Variants in FURIN observed in about 807,000 individuals in gnomAD.
FURIN encodes furin, paired basic amino acid cleaving enzyme.
A neutral mutation model predicts 89.2 loss-of-function variants in FURIN; 18 were observed. The observed-to-expected ratio is 0.20, with a 90% CI of 0.14 to 0.30. FURIN has a LOEUF of 0.30. FURIN is among the 10% of genes least tolerant of loss of function. The probability of loss-of-function intolerance (pLI) is 1.00; values close to 1 mark genes in which losing one functional copy is unlikely to be tolerated. For missense variants in FURIN, 879 were observed against 1,100.5 expected (o/e 0.80, Z 2.85); for synonymous variants, 508 against 466.4 (o/e 1.09, Z -1.15).
chr15:90,876,972 C>G lies in FURIN; in HGVS notation c.449C>G (p.Ser150Cys). The G allele has an allele frequency of 1.2e-6, 2 of 1,614,148 alleles. No homozygotes were observed. Among genetic ancestry groups the G allele is most frequent in the Non-Finnish European group, 1.7e-6 (2 of 1,180,024 alleles). ...TACACAGGGCACGGCATTGTGGTCTCCATTCTGGACGATGGCATCGAGAAG... is the reference window on the plus strand; with the variant it reads ...TACACAGGGCACGGCATTGTGGTCTGCATTCTGGACGATGGCATCGAGAAG... ...QGYTGHGIVV[S>C]ILDDGIEKNH... Residue 150 changes from serine (S) to cysteine (C), a missense_variant, in exon 5 of 16, where the codon TCC (serine) becomes TGC (cysteine). By Grantham distance (112) the Ser-to-Cys change is moderately radical. This residue lies in a region of FURIN where 139 missense variants were observed against 215.0 expected (regional missense o/e 0.65). Transcript: ENST00000268171. This position sits in a 1 kb window ranked among gnomAD's most constrained non-coding sequence, Gnocchi z 5.0.
chr15:90,877,191 C>T lies in FURIN; in HGVS notation c.558C>T (p.Tyr186=). Residue 186 remains tyrosine (Y), a synonymous_variant, in exon 6 of 16, where the codon TAC becomes TAT. Coordinates refer to ENST00000268171, the MANE Select transcript of FURIN (RefSeq NM_002569.4). ...AGGACCCTGACCCCCAGCCTCGGTA[C>T]ACACAGATGAATGACAACAGGTAAG... is the stretch of plus-strand genomic sequence containing the variant. ...NDQDPDPQPR[Y]TQMNDNRHGT... is the part of the protein sequence containing the mutation. 2 of 1,610,156 alleles carry T rather than the reference C, an allele frequency of 1.2e-6. No homozygotes were observed. The highest frequency in any genetic ancestry group is 1.7e-4 in the Middle Eastern group (1 of 6,034).
Position 90,876,573 on chromosome 15 carries a change from C to G in FURIN, c.372+16C>G. The G allele has an allele frequency of 6.5e-7, 1 of 1,541,404 alleles. No individual in the cohort carries two copies. Among genetic ancestry groups the G allele is most frequent in the Non-Finnish European group, 9.0e-7 (1 of 1,114,182 alleles). ...GTGGTACCTGGTACGTGGCCTTCTT[C>G]GCTGCTGGGACCTCCTCCCCAGATG... On this transcript the variant is annotated intron_variant, in intron 4 of 15. Transcript: ENST00000268171. This position sits in a 1 kb window ranked among gnomAD's most constrained non-coding sequence, Gnocchi z 5.0.
At position 90,876,195 on chromosome 15, in the gene FURIN, C is replaced by T. The variant is rs977337746; in HGVS notation, c.178-60C>T. 1.8e-6 allele frequency: 2 copies of T among 1,136,806 alleles called. No individual in the cohort carries two copies. The highest frequency in any genetic ancestry group is 3.5e-5 in the Admixed American group (2 of 57,016). 70.4% of individuals were successfully genotyped at this position (1,136,806 alleles called of 1,614,324 possible). The stretch of plus-strand genomic sequence containing the variant: ...CATGAAGCCGTTGTCCACCCCCGTC[C>T]CCCGCCTCCCGGGGACTGACAGATG... On this transcript the variant is annotated intron_variant, in intron 2 of 15. Transcript: ENST00000268171. The surrounding 1 kb of genome is among the most constrained non-coding windows in gnomAD (Gnocchi z 5.0).
rs376773167 is a variant in FURIN, at chr15:90,876,814, G to T, written c.373-82G>T. 1.1e-5 allele frequency: 16 copies of T among 1,480,310 alleles called. No individual in the cohort carries two copies. Among genetic ancestry groups the T allele is most frequent in the Middle Eastern group, 1.7e-4 (1 of 5,760 alleles). The allele number at this position is 1,480,310 out of a possible 1,614,324, so 91.7% of individuals were successfully genotyped here. A position where few individuals can be genotyped will look rare whatever the true frequency, so the allele number is the denominator to read the frequency against. ...GGATGGTACAGGAGGAGGTTTTACG[G>T]GGGCAAAGGGATTCTTCAAGATGCT... On this transcript the variant is annotated intron_variant, in intron 4 of 15. Coordinates refer to ENST00000268171, the MANE Select transcript of FURIN (RefSeq NM_002569.4). This position sits in a 1 kb window ranked among gnomAD's most constrained non-coding sequence, Gnocchi z 5.0.
Position 90,881,375 on chromosome 15 carries a change from A to G in FURIN, c.1882A>G (p.Ser628Gly), listed in dbSNP as rs749641930. Residue 628 changes from serine to glycine, a missense_variant, in exon 16 of 16, where the codon AGC (serine) becomes GGC (glycine). By Grantham distance (56) the Ser-to-Gly change is moderately conservative. Coordinates refer to ENST00000268171, the MANE Select transcript of FURIN (RefSeq NM_002569.4). The surrounding 1 kb of genome is among the most constrained non-coding windows in gnomAD (Gnocchi z 4.3). ...CCCCCAAGTCCTCGATACGCACTATAGCACCGAGAATGACGTGGAGACCAT... is the reference window on the plus strand; with the variant it reads ...CCCCCAAGTCCTCGATACGCACTATGGCACCGAGAATGACGTGGAGACCAT... ...FAPQVLDTHY[S>G]TENDVETIRA... 6.2e-7 allele frequency: 1 copy of G among 1,612,896 alleles called. No individual in the cohort carries two copies. The highest frequency in any genetic ancestry group is 8.5e-7 in the Non-Finnish European group (1 of 1,179,880).
chr15:90,871,638 G>C (rs1249624559), intron 1 of FURIN: 4 of 149,390 alleles, frequency 2.7e-5, no homozygotes, highest in Non-Finnish European at 4.5e-5. Flanking sequence ...CCGGGGCCCG[G>C]GGAAGGCAAG....
In FURIN at chr15:90,881,800, G is replaced by A. The variant is rs767175435; in HGVS notation, c.2307G>A (p.Glu769=). The change falls in exon 16 of 16, where the codon GAG becomes GAA. Residue 769 remains glutamate, a synonymous_variant. Transcript: ENST00000268171. This position sits in a 1 kb window ranked among gnomAD's most constrained non-coding sequence, Gnocchi z 4.3. The part of the protein sequence containing the change: ...YKGLPPEAWQ[E]ECPSDSEEDE... ...GGCTGCCCCCTGAAGCCTGGCAGGA[G>A]GAGTGCCCGTCTGACTCAGAAGAGG... is the stretch of plus-strand genomic sequence containing the variant. The A allele has an allele frequency of 8.7e-6, 14 of 1,613,542 alleles. No individual in the cohort carries two copies. The African/African-American group carries it at 1.2e-4, about 14-fold the overall frequency.
chr15:90,871,471 G>GCCTCC (rs1474537863), intron 1 of FURIN: 8 of 6,018 alleles, frequency 1.3e-3, no homozygotes, highest in East Asian at 0.013. Context: ...GCCGCCGCGC[G>GCCTCC]GGGCCGGACG....
In FURIN at chr15:90,879,677, C is replaced by T. The variant is rs368970323; in HGVS notation, c.1161C>T (p.Asn387=). The stretch of plus-strand genomic sequence containing the variant: ...CTCCCTTCCTTCTTTGCAGTAAGAA[C>T]CTCACATGGCGGGACATGCAACACC... ...IIALTLEANK[N]LTWRDMQHLV... Residue 387 remains asparagine, a synonymous_variant, in exon 11 of 16, where the codon AAC becomes AAT. Coordinates refer to ENST00000268171, the MANE Select transcript of FURIN (RefSeq NM_002569.4). 2 of 1,613,008 alleles carry T rather than the reference C, an allele frequency of 1.2e-6. No individual in the cohort carries two copies. The highest frequency in any genetic ancestry group is 1.3e-5 in the African/African-American group (1 of 74,936).
rs1198000825 is a variant in FURIN at position 90,881,270 on chromosome 15, T to C, written c.1793-16T>C. On this transcript the variant is annotated splice_polypyrimidine_tract_variant and intron_variant, in intron 15 of 15. Transcript: ENST00000268171. This position sits in a 1 kb window ranked among gnomAD's most constrained non-coding sequence, Gnocchi z 4.3. Reference sequence around the variant, plus strand: ...GTTTAGCTGACACACACTTGCCCTCTCTCCCACGCCGGCAGTGTGCGAGGA... The same window carrying C: ...GTTTAGCTGACACACACTTGCCCTCCCTCCCACGCCGGCAGTGTGCGAGGA... The C allele has an allele frequency of 1.3e-6, 2 of 1,565,536 alleles. No homozygotes were observed. The highest frequency in any genetic ancestry group is 4.5e-5 in the East Asian group (2 of 44,336).
chr15:90,875,023 G>A (rs1241357935), intron 1 of FURIN, among the ~76,000 whole-genome samples: 3 of 137,900 alleles, frequency 2.2e-5, no homozygotes, highest in African/African-American at 8.2e-5. Flanking sequence ...TGCTTCTTCT[G>A]TTACACTTTT....
chr15:90,882,025 A>C lies in FURIN; in HGVS notation c.*147A>C, dbSNP rs1596080518. The C allele has an allele frequency of 3.2e-6, 2 of 630,688 alleles. No homozygotes were observed. The highest frequency in any genetic ancestry group is 5.6e-6 in the Non-Finnish European group (2 of 359,188). 39.1% of individuals were successfully genotyped at this position (630,688 alleles called of 1,614,324 possible). A position where few individuals can be genotyped will look rare whatever the true frequency, so the allele number is the denominator to read the frequency against. On this transcript the variant is annotated 3_prime_UTR_variant, in exon 16 of 16. Coordinates refer to ENST00000268171, the MANE Select transcript of FURIN (RefSeq NM_002569.4). Reference sequence around the variant, plus strand: ...TGCTTCCCATCCTACCCTCGGGCCCACCTGGCCACCTGAGGTGGGCCCAGG... The same window carrying C: ...TGCTTCCCATCCTACCCTCGGGCCCCCCTGGCCACCTGAGGTGGGCCCAGG...
intron 8 of FURIN, 105 bp downstream of exon 8, chr15:90,878,409 C>A: frequency 2.1e-6 from 2 of 960,808 alleles, no homozygotes; most frequent in Non-Finnish European, 3.0e-6. Context: ...TTTAACTTTA[C>A]ACAAAGCATG....
intron 1 of FURIN, among the ~76,000 whole-genome samples, chr15:90,874,153 C>G (rs1016883693): frequency 1.5e-4 from 23 of 152,366 alleles, no homozygotes; most frequent in African/African-American, 4.3e-4. Context: ...GCTTCCCCCC[C>G]TTCCTCCAGG....
In FURIN at chr15:90,876,643, C is replaced by T. The variant is rs1007607468; in HGVS notation, c.372+86C>T. 2.8e-5 allele frequency: 26 copies of T among 932,692 alleles called. No homozygotes were observed. Among genetic ancestry groups the T allele is most frequent in the South Asian group, 6.8e-5 (5 of 73,888 alleles). 57.8% of individuals were successfully genotyped at this position (932,692 alleles called of 1,614,324 possible). A position where few individuals can be genotyped will look rare whatever the true frequency, so the allele number is the denominator to read the frequency against. On this transcript the variant is annotated intron_variant, in intron 4 of 15. Transcript: ENST00000268171. This position sits in a 1 kb window ranked among gnomAD's most constrained non-coding sequence, Gnocchi z 5.0. ...GCTCTTGGATGGAGGAGGCTGTCTTCGAGGCCTCCTCTGATTCGTTTCCTT... is the reference window on the plus strand; with the variant it reads ...GCTCTTGGATGGAGGAGGCTGTCTTTGAGGCCTCCTCTGATTCGTTTCCTT...
At position 90,881,200 on chromosome 15, in the gene FURIN, G is replaced by A. The variant is rs1294448354; in HGVS notation, c.1793-86G>A. 1 of 1,183,440 alleles carries A rather than the reference G, an allele frequency of 8.4e-7. No homozygotes were observed. The highest frequency in any genetic ancestry group is 2.4e-5 in the East Asian group (1 of 41,942). 73.3% of individuals were successfully genotyped at this position (1,183,440 alleles called of 1,614,324 possible). A position where few individuals can be genotyped will look rare whatever the true frequency, so the allele number is the denominator to read the frequency against. ...CCTGGGGCTGGAGGATCCTGGGGAT[G>A]TGGTGACTTGGCTTGGGGCTGCTGT... On this transcript the variant is annotated intron_variant, in intron 15 of 15. Transcript: ENST00000268171. The surrounding 1 kb of genome is among the most constrained non-coding windows in gnomAD (Gnocchi z 4.3).
chr15:90,874,234 G>A (rs532986828), intron 1 of FURIN, among the ~76,000 whole-genome samples: 43 of 152,360 alleles, frequency 2.8e-4, no homozygotes, highest in African/African-American at 9.9e-4. Flanking sequence ...GAGAGGTCCC[G>A]CCGTCTGTTT....
At chr15:90,871,556 A>G (rs867188432) in intron 1 of FURIN, 2 of 566 alleles carry the variant, frequency 3.5e-3, no homozygotes, top group Admixed American at 0.02. Flanking sequence ...GGGGCGCCCG[A>G]GCCGCCGCGG....
rs916416300 is a variant in FURIN at position 90,880,177 on chromosome 15, C to T, written c.1460C>T (p.Ala487Val). The stretch of plus-strand genomic sequence containing the variant: ...AACCACATCACTCGGCTGGAGCACG[C>T]TCAGGCGCGGCTCACCCTGTCCTAT... The part of the protein sequence containing the change: ...EPNHITRLEH[A>V]QARLTLSYNR... Residue 487 changes from alanine (A) to valine (V), a missense_variant, in exon 13 of 16, where the codon GCT (alanine) becomes GTT (valine). Transcript: ENST00000268171. 3 of 1,612,536 alleles carry T rather than the reference C, an allele frequency of 1.9e-6. No homozygotes were observed. In the African/African-American group the frequency reaches 4.0e-5, roughly 22 times the overall value.
Sources: allele counts gnomAD v4.1 joint callset (sites outside exome capture counted in the v4.1 genomes callset), GRCh38; gene constraint gnomAD v4.1.1; regional missense constraint gnomAD v4.1.1; non-coding constraint Gnocchi (gnomAD v3.1); transcripts MANE v1.5; gene names NCBI Gene and HGNC (gene_info 2026-07-23, HGNC 2026-07-21).